ZNF334: variants seen among roughly 807,000 people sequenced by gnomAD.
The protein encoded by ZNF334 is zinc finger protein 334.
In ZNF334, 14 loss-of-function variants were observed where a neutral mutation model predicts 12.4. The observed-to-expected ratio is 1.13, with a 90% CI of 0.74 to 1.76. The LOEUF (loss-of-function observed/expected upper bound fraction) is 1.76, where lower values mean the gene tolerates loss of function less well. Among genes scored for constraint, ZNF334 ranks in the 40% most tolerant of loss-of-function variants. The pLI is 0.00. For synonymous variants in ZNF334, 273 were observed against 269.6 expected (o/e 1.01, Z -0.12); for missense variants, 797 against 804.5 (o/e 0.99, Z 0.11).
At chr20:46,478,872 C>A in the ZNF334 span, among the ~76,000 whole-genome samples, 1 of 152,142 alleles carries the variant, frequency 6.6e-6, no homozygotes, top group Admixed American at 6.5e-5. Context: ...CCTGCTGCAT[C>A]CCCTGCTGGG....
Position 46,501,093 on chromosome 20 carries a change from A to T in ZNF334, c.*203T>A. On this transcript the variant is annotated 3_prime_UTR_variant, in exon 5 of 5. Coordinates refer to ENST00000692313, the MANE Select transcript of ZNF334 (RefSeq NM_001353824.2). ...TTGCTGTTGAATATTTTCATAGTTC[A>T]CAATGAATAATACATTTATTAAACA... The T allele has an allele frequency of 1.7e-6, 1 of 578,996 alleles. No individual in the cohort carries two copies. The highest frequency in any genetic ancestry group is 3.0e-5 in the South Asian group (1 of 33,898). 35.9% of individuals were successfully genotyped at this position (578,996 alleles called of 1,614,324 possible).
rs1341206603 is a variant in ZNF334 at position 46,501,462 on chromosome 20, T to C, written c.1877A>G (p.Lys626Arg). Residue 626 changes from lysine (K) to arginine (R), a missense_variant, in exon 5 of 5, where the codon AAA becomes AGA. Transcript: ENST00000692313. ...CCCACATTGATTACATTCATATGGT[T>C]TCTCTCCTGTGTGAATTCTTCTATG... ...RVHRRIHTGE[K>R]PYECNQCGKT... 1 of 1,614,116 alleles carries C rather than the reference T, an allele frequency of 6.2e-7. No homozygotes were observed. Among genetic ancestry groups the C allele is most frequent in the South Asian group, 1.1e-5 (1 of 91,078 alleles).
downstream of ZNF334, among the ~76,000 whole-genome samples, chr20:46,497,881 T>C (rs989409555): frequency 8.5e-5 from 13 of 152,272 alleles, no homozygotes; most frequent in Non-Finnish European, 1.2e-4. Flanking sequence ...CCATTGCCTA[T>C]TTTCTTAAAA....
downstream of ZNF334, among the ~76,000 whole-genome samples, chr20:46,494,964 A>C (rs1568840882): frequency 6.6e-6 from 1 of 152,220 alleles, no homozygotes; most frequent in Non-Finnish European, 1.5e-5. Context: ...ATAAAAGAAT[A>C]GCCATCATGT....
Position 46,502,689 on chromosome 20 carries a change from G to T in ZNF334, c.650C>A (p.Thr217Asn). ...AATGAGAATTGCCCTCTTGAAGAAG[G>T]TTTTCCCACATTTATTATAGTCAAA... ...QPFDYNKCGK[T>N]FFKRAILITQ... Residue 217 changes from threonine (T) to asparagine (N), a missense_variant, in exon 5 of 5, where the codon ACC (threonine) becomes AAC (asparagine). Transcript: ENST00000692313. The T allele has an allele frequency of 3.7e-6, 6 of 1,612,862 alleles. No homozygotes were observed. The highest frequency in any genetic ancestry group is 5.1e-6 in the Non-Finnish European group (6 of 1,179,958).
At chr20:46,485,596 C>CT in the ZNF334 span, 21 of 152,004 alleles carry the variant, frequency 1.4e-4, no homozygotes, top group African/African-American at 3.6e-4. Flanking sequence ...GTAAGATGAT[C>CT]CAGAGATTTC....
At chr20:46,465,541 A>AAAAC in the ZNF334 span, among the ~76,000 whole-genome samples, 39 of 152,246 alleles carry the variant, frequency 2.6e-4, no homozygotes, top group Admixed American at 2.4e-3. Context: ...CTAAAAAACC[A>AAAAC]AAACAAACAA....
the ZNF334 span, among the ~76,000 whole-genome samples, chr20:46,494,426 C>T: frequency 1.3e-5 from 2 of 152,128 alleles, no homozygotes; most frequent in Non-Finnish European, 2.9e-5. Flanking sequence ...TGTGTTGAGG[C>T]ATCAGTACGT....
chr20:46,491,803 T>A, the ZNF334 span: 1 of 152,964 alleles, frequency 6.5e-6, no homozygotes, highest in East Asian at 1.9e-4. Flanking sequence ...ATCAGAAAAC[T>A]CATTCTATAG....
intron 2 of ZNF334, among the ~76,000 whole-genome samples, chr20:46,510,424 G>A (rs1321991001): frequency 6.6e-6 from 1 of 152,086 alleles, no homozygotes; most frequent in African/African-American, 2.4e-5. Context: ...TGAGGAAAAG[G>A]AGAATTAAGA....
chr20:46,467,761 A>C, the ZNF334 span, among the ~76,000 whole-genome samples: 4 of 152,190 alleles, frequency 2.6e-5, no homozygotes, highest in Non-Finnish European at 5.9e-5. Context: ...TATTTAATGA[A>C]TATTTGGATG....
At chr20:46,472,274 C>T in the ZNF334 span, among the ~76,000 whole-genome samples, 91 of 152,280 alleles carry the variant, frequency 6.0e-4, no homozygotes, top group Middle Eastern at 3.4e-3. Flanking sequence ...CCTGAGGAGA[C>T]AGCAGTGAAC....
the ZNF334 span, chr20:46,477,114 G>A: frequency 6.6e-6 from 1 of 152,172 alleles, no homozygotes; most frequent in African/African-American, 2.4e-5. Flanking sequence ...TGAATACAAA[G>A]AGATAAAAGG....
the ZNF334 span, among the ~76,000 whole-genome samples, chr20:46,472,455 T>G: frequency 6.6e-6 from 1 of 152,194 alleles, no homozygotes; most frequent in Non-Finnish European, 1.5e-5. Flanking sequence ...CATTTTAGAC[T>G]GAGTGGCCAA....
chr20:46,512,502 G>C (rs2061689483), intron 1 of ZNF334, 38 bp downstream of exon 1: 1 of 160,836 alleles, frequency 6.2e-6, no homozygotes, highest in Middle Eastern at 3.2e-3. Context: ...AGGATTAAAA[G>C]ATTTCTTGGA....
At chr20:46,476,193 C>T in the ZNF334 span, 13 of 151,926 alleles carry the variant, frequency 8.6e-5, no homozygotes, top group East Asian at 3.8e-4. Context: ...ATTCTTGAAA[C>T]GATAATATTT....
At chr20:46,483,608 A>G in the ZNF334 span, among the ~76,000 whole-genome samples, 1 of 152,188 alleles carries the variant, frequency 6.6e-6, no homozygotes, top group Non-Finnish European at 1.5e-5. Flanking sequence ...TTGCCTCAGT[A>G]TTCATTGAAT....
the ZNF334 span, among the ~76,000 whole-genome samples, chr20:46,471,850 T>C: frequency 6.6e-6 from 1 of 152,214 alleles, no homozygotes; most frequent in East Asian, 1.9e-4. Context: ...AGTCTTAATA[T>C]CTGGTAGTAT....
At chr20:46,496,011 C>T (rs995858066), downstream of ZNF334, among the ~76,000 whole-genome samples, 1 of 152,094 alleles carries the variant, frequency 6.6e-6, no homozygotes, top group African/African-American at 2.4e-5. Flanking sequence ...ATTGCAGGAA[C>T]CTTCTTAAAA....
Sources: gnomAD v4.1 joint callset for allele counts (sites outside exome capture counted in the v4.1 genomes callset) on GRCh38, gnomAD v4.1.1 for gene constraint, MANE v1.5 for transcripts, NCBI Gene and HGNC (gene_info 2026-07-23, HGNC 2026-07-21) for gene names.